RALGPS1: variants seen among roughly 807,000 people sequenced by gnomAD.
RALGPS1 encodes the protein Ral GEF with PH domain and SH3 binding motif 1.
RALGPS1 carries 19 observed loss-of-function variants against 78.8 expected under a neutral mutation model. That is an observed-to-expected ratio of 0.24 (90% confidence interval 0.17 to 0.35). RALGPS1 has a LOEUF of 0.35. Ranked by LOEUF, RALGPS1 falls within the 10% of genes least tolerant of loss-of-function variation. The pLI is 1.00. For missense variants in RALGPS1, 454 were observed against 688.3 expected, an observed-to-expected ratio of 0.66 and a Z score of 3.81; for synonymous variants, 228 against 256.3, an observed-to-expected ratio of 0.89 and a Z score of 1.06.
chr9:127,031,151 C>G (rs951841963), intron 4 of RALGPS1, among the ~76,000 whole-genome samples: 2 of 152,260 alleles, frequency 1.3e-5, no homozygotes, highest in African/African-American at 2.4e-5. Context: ...AAACCCTTGT[C>G]TCCCTTCTAG....
chr9:127,137,946 G>A (rs565783265), intron 8 of RALGPS1, among the ~76,000 whole-genome samples: 131 of 152,296 alleles, frequency 8.6e-4, no homozygotes, highest in African/African-American at 3.0e-3. Flanking sequence ...GAGCTCACAC[G>A]TAGCCCTCAG....
intron 7 of RALGPS1, among the ~76,000 whole-genome samples, chr9:127,067,694 T>A (rs2049838469): frequency 1.3e-5 from 2 of 152,250 alleles, no homozygotes. Flanking sequence ...TCTGAAGAAC[T>A]TGGCCAAAGG....
At chr9:126,994,833 T>C (rs2042593430) in intron 4 of RALGPS1, among the ~76,000 whole-genome samples, 1 of 152,094 alleles carries the variant, frequency 6.6e-6, no homozygotes, top group African/African-American at 2.4e-5. Flanking sequence ...GCTGATCTCT[T>C]GGCAGAAACT....
rs1479638674 is a variant in RALGPS1 at position 127,205,987 on chromosome 9, G to A, written c.1248-6144G>A. 1.3e-5 allele frequency among the ~76,000 whole-genome samples: 2 copies of A among 152,208 alleles called. No homozygotes were observed. The highest frequency in any genetic ancestry group is 2.4e-5 in the African/African-American group (1 of 41,438). ...CAGGGACATTGCCCAGAGAAGAGTG[G>A]GTGGCCCATAGAAAGCAAATGTCCT... is the stretch of plus-strand genomic sequence containing the variant. On this transcript the variant is annotated intron_variant, in intron 14 of 18. Coordinates refer to ENST00000259351, the MANE Select transcript of RALGPS1 (RefSeq NM_014636.3). This position sits in a 1 kb window ranked among gnomAD's most constrained non-coding sequence, Gnocchi z 4.0.
intron 4 of RALGPS1, among the ~76,000 whole-genome samples, chr9:126,997,669 C>G (rs2133425304): frequency 6.6e-6 from 1 of 152,300 alleles, no homozygotes; most frequent in East Asian, 1.9e-4. Flanking sequence ...GAAAAAACTA[C>G]TTAAAAGTTC....
chr9:127,013,252 G>A (rs185671110), intron 4 of RALGPS1, among the ~76,000 whole-genome samples: 77 of 152,250 alleles, frequency 5.1e-4, no homozygotes, highest in Non-Finnish European at 8.5e-4. Flanking sequence ...GAATAGAGTG[G>A]CCCCACTATG....
At chr9:127,088,977 C>A in intron 8 of RALGPS1, 6 of 1,614,218 alleles carry the variant, frequency 3.7e-6, no homozygotes, top group Non-Finnish European at 5.1e-6. Context: ...ATCATCATCA[C>A]CACTTTCTTG....
intron 1 of RALGPS1, among the ~76,000 whole-genome samples, chr9:126,915,956 C>G (rs1472875804): frequency 6.6e-6 from 1 of 152,102 alleles, no homozygotes; most frequent in Non-Finnish European, 1.5e-5. Flanking sequence ...GTGGGGAGAG[C>G]AGGGATGAGA....
intron 1 of RALGPS1, among the ~76,000 whole-genome samples, chr9:126,924,247 C>G (rs1187270586): frequency 6.6e-6 from 1 of 152,232 alleles, no homozygotes; most frequent in African/African-American, 2.4e-5. Flanking sequence ...GTGTCTGCTT[C>G]AGGGGCCTTT....
chr9:127,142,430 A>G (rs1473198760), intron 8 of RALGPS1, among the ~76,000 whole-genome samples: 1 of 152,142 alleles, frequency 6.6e-6, no homozygotes, highest in Admixed American at 6.5e-5. Flanking sequence ...AATTGTTTGG[A>G]TGAAGAGGAC....
intron 1 of RALGPS1, among the ~76,000 whole-genome samples, chr9:126,961,287 A>G (rs940971749): frequency 2.0e-5 from 3 of 152,168 alleles, no homozygotes; most frequent in Non-Finnish European, 4.4e-5. Context: ...CCATCAAATA[A>G]TGAGATATCT....
At chr9:127,115,237 T>G (rs2055279167) in intron 8 of RALGPS1, among the ~76,000 whole-genome samples, 1 of 152,130 alleles carries the variant, frequency 6.6e-6, no homozygotes, top group Non-Finnish European at 1.5e-5. Context: ...TCACCCAGGC[T>G]GGAGTGCAAT....
chr9:126,921,834 G>A (rs2034793003), intron 1 of RALGPS1, among the ~76,000 whole-genome samples: 1 of 152,238 alleles, frequency 6.6e-6, no homozygotes, highest in South Asian at 2.1e-4. Context: ...CACATTGTGA[G>A]CACCCAGGAA....
At chr9:126,931,618 G>C (rs1490226039) in intron 1 of RALGPS1, among the ~76,000 whole-genome samples, 1 of 152,140 alleles carries the variant, frequency 6.6e-6, no homozygotes, top group Non-Finnish European at 1.5e-5. Flanking sequence ...TCTCATGGCA[G>C]GGGGAGTGGG....
At chr9:127,023,082 C>G (rs1412896609) in intron 4 of RALGPS1, among the ~76,000 whole-genome samples, 1 of 152,132 alleles carries the variant, frequency 6.6e-6, no homozygotes, top group East Asian at 1.9e-4. Flanking sequence ...CATATCAACT[C>G]TTTCCCTTCT....
At chr9:127,080,677 G>C (rs1175362429) in intron 8 of RALGPS1, among the ~76,000 whole-genome samples, 2 of 152,204 alleles carry the variant, frequency 1.3e-5, no homozygotes, top group Non-Finnish European at 2.9e-5. Context: ...GCCTGGATGA[G>C]TGCTGATTTG....
chr9:126,955,585 A>C (rs2038262563), intron 1 of RALGPS1, among the ~76,000 whole-genome samples: 1 of 152,214 alleles, frequency 6.6e-6, no homozygotes, highest in Non-Finnish European at 1.5e-5. Context: ...ACATAAAGAA[A>C]TACATATATT....
chr9:127,094,654 A>T (rs1404568522), intron 8 of RALGPS1, among the ~76,000 whole-genome samples: 2 of 152,276 alleles, frequency 1.3e-5, no homozygotes, highest in Admixed American at 1.3e-4. Flanking sequence ...CTTTCAGCTG[A>T]ATCTGTGTGT....
intron 1 of RALGPS1, among the ~76,000 whole-genome samples, chr9:126,951,107 G>A (rs969262593): frequency 2.0e-5 from 3 of 152,044 alleles, no homozygotes; most frequent in African/African-American, 7.2e-5. Context: ...ACTCTCCCAA[G>A]TCTAAACCAG....
Sources: gnomAD v4.1 joint callset for allele counts (sites outside exome capture counted in the v4.1 genomes callset) on GRCh38, gnomAD v4.1.1 for gene constraint, Gnocchi (gnomAD v3.1) non-coding constraint, MANE v1.5 for transcripts, NCBI Gene and HGNC (gene_info 2026-07-23, HGNC 2026-07-21) for gene names.